MARCHF1: variants seen among roughly 807,000 people sequenced by gnomAD.
MARCHF1 encodes E3 ubiquitin-protein ligase MARCHF1.
In MARCHF1, 40 loss-of-function variants were observed where a neutral mutation model predicts 54.2. The observed-to-expected ratio is 0.74, with a 90% CI of 0.57 to 0.96. MARCHF1 has a LOEUF of 0.96. Among genes scored for constraint, MARCHF1 ranks in the 40% least tolerant of loss-of-function variants. The probability of loss-of-function intolerance (pLI) is 0.00; values close to 1 mark genes in which losing one functional copy is unlikely to be tolerated. For synonymous variants in MARCHF1, 236 were observed against 236.3 expected, an observed-to-expected ratio of 1.00 and a Z score of 0.01; for missense variants, 586 against 656.5, an observed-to-expected ratio of 0.89 and a Z score of 1.17.
chr4:164,092,044 A>G (rs1755315997), intron 2 of MARCHF1, among the ~76,000 whole-genome samples: 1 of 152,120 alleles, frequency 6.6e-6, no homozygotes, highest in East Asian at 1.9e-4. Context: ...TGAGGGATAT[A>G]TGCAAACAAT....
intron 1 of MARCHF1, among the ~76,000 whole-genome samples, chr4:164,153,984 C>G (rs572566111): frequency 2.6e-5 from 4 of 152,078 alleles, no homozygotes; most frequent in Non-Finnish European, 5.9e-5. Context: ...GCTCTATTAA[C>G]CTGTTCTATA....
At chr4:163,616,917 T>C (rs1206597361) in intron 5 of MARCHF1, among the ~76,000 whole-genome samples, 1 of 152,086 alleles carries the variant, frequency 6.6e-6, no homozygotes, top group African/African-American at 2.4e-5. Flanking sequence ...GGGTATTTAT[T>C]CAAATAAAAG....
intron 2 of MARCHF1, among the ~76,000 whole-genome samples, chr4:164,052,706 C>T (rs973140655): frequency 2.0e-5 from 3 of 152,290 alleles, no homozygotes; most frequent in Admixed American, 6.5e-5. Flanking sequence ...GGAAGAAGAA[C>T]TGATGCAATT....
At chr4:164,329,876 A>C (rs562008297) in intron 1 of MARCHF1, 9 of 152,424 alleles carry the variant, frequency 5.9e-5, no homozygotes, top group African/African-American at 2.2e-4. Context: ...ACCTCCTACC[A>C]GGCCCCACCT....
At chr4:163,576,222 G>T (rs1740032023) in intron 8 of MARCHF1, among the ~76,000 whole-genome samples, 1 of 151,912 alleles carries the variant, frequency 6.6e-6, no homozygotes, top group South Asian at 2.1e-4. Context: ...GCATCCCAGA[G>T]ATCAAGATAT....
At chr4:163,997,482 G>A (rs768306821) in intron 2 of MARCHF1, among the ~76,000 whole-genome samples, 6 of 151,934 alleles carry the variant, frequency 3.9e-5, no homozygotes, top group Non-Finnish European at 8.8e-5. Context: ...AAACTTTAAT[G>A]TTCAAGTGGG....
chr4:163,872,578 T>C (rs1750191505), intron 3 of MARCHF1, among the ~76,000 whole-genome samples: 1 of 152,170 alleles, frequency 6.6e-6, no homozygotes, highest in Admixed American at 6.5e-5. Context: ...CAGGGTCAAC[T>C]ATGAGTTACC....
rs1738099127 is a variant in MARCHF1 at position 163,526,210 on chromosome 4, T to A, written c.*2538A>T. ...CCTTTGCTTTTTATTCTAGAAATGT[T>A]TTCTTAGTGTTAAAAGTGTAGCCCT... On this transcript the variant is annotated 3_prime_UTR_variant, in exon 10 of 10. Transcript: ENST00000514618. 6.6e-6 allele frequency: 1 copy of A among 152,164 alleles called. No individual in the cohort carries two copies. Among genetic ancestry groups the A allele is most frequent in the African/African-American group, 2.4e-5 (1 of 41,460 alleles). 9.4% of individuals were successfully genotyped at this position (152,164 alleles called of 1,614,324 possible).
At chr4:163,816,685 A>AG (rs557034592) in intron 4 of MARCHF1, among the ~76,000 whole-genome samples, 244 of 152,136 alleles carry the variant, frequency 1.6e-3, no homozygotes, top group African/African-American at 5.7e-3. Context: ...CTCCTTACAG[A>AG]GGGGGGCACT....
At chr4:164,025,454 C>A (rs552572080) in intron 2 of MARCHF1, among the ~76,000 whole-genome samples, 1 of 152,064 alleles carries the variant, frequency 6.6e-6, no homozygotes, top group Non-Finnish European at 1.5e-5. Context: ...ACTACACAAG[C>A]ACATAGAAGT....
chr4:164,159,676 G>A (rs541782617), intron 1 of MARCHF1, among the ~76,000 whole-genome samples: 2 of 152,218 alleles, frequency 1.3e-5, no homozygotes, highest in South Asian at 2.1e-4. Context: ...GTGCAGAAAC[G>A]TTTTTAATAT....
chr4:163,583,715 T>C (rs974727536), intron 8 of MARCHF1: 2 of 145,226 alleles, frequency 1.4e-5, no homozygotes, highest in Admixed American at 1.4e-4. Context: ...AGTGGTGCAA[T>C]CAAAGCTCAC....
chr4:164,060,596 C>T (rs929425213), intron 2 of MARCHF1, among the ~76,000 whole-genome samples: 14 of 151,902 alleles, frequency 9.2e-5, no homozygotes, highest in African/African-American at 3.4e-4. Flanking sequence ...AGGATATTTC[C>T]AGGACAAAAT....
At chr4:164,126,335 A>C (rs1756179115) in intron 1 of MARCHF1, among the ~76,000 whole-genome samples, 1 of 152,216 alleles carries the variant, frequency 6.6e-6, no homozygotes, top group African/African-American at 2.4e-5. Flanking sequence ...TTTATGAACC[A>C]GAAAGTAGGT....
chr4:163,644,911 C>G (rs1742695424), intron 5 of MARCHF1, among the ~76,000 whole-genome samples: 1 of 152,164 alleles, frequency 6.6e-6, no homozygotes, highest in South Asian at 2.1e-4. Context: ...CTTACCTTCA[C>G]AGTGACCTCC....
chr4:163,579,042 C>A (rs1740130443), intron 8 of MARCHF1, among the ~76,000 whole-genome samples: 7 of 152,142 alleles, frequency 4.6e-5, no homozygotes, highest in Admixed American at 4.6e-4. Context: ...ATATTTCTAT[C>A]TGAACAACCT....
At chr4:163,725,393 A>G (rs535403597) in intron 4 of MARCHF1, among the ~76,000 whole-genome samples, 114 of 151,982 alleles carry the variant, frequency 7.5e-4, no homozygotes, top group Non-Finnish European at 1.3e-3. Context: ...TGGGAGGATC[A>G]CTTGAGCCCA....
chr4:164,061,228 A>C (rs1754608623), intron 2 of MARCHF1, among the ~76,000 whole-genome samples: 1 of 152,136 alleles, frequency 6.6e-6, no homozygotes, highest in Non-Finnish European at 1.5e-5. Flanking sequence ...TATTTCTATC[A>C]GTTCAGAAAC....
chr4:164,141,123 G>C (rs1560923168), intron 1 of MARCHF1, among the ~76,000 whole-genome samples: 3 of 152,162 alleles, frequency 2.0e-5, no homozygotes, highest in African/African-American at 4.8e-5. Context: ...GAGAAAACTG[G>C]GGAGAACTAA....
Sources: gnomAD v4.1 joint callset for allele counts (sites outside exome capture counted in the v4.1 genomes callset) on GRCh38, gnomAD v4.1.1 for gene constraint, MANE v1.5 for transcripts, NCBI Gene and HGNC (gene_info 2026-07-23, HGNC 2026-07-21) for gene names.